ACBD6: variants seen among roughly 807,000 people sequenced by gnomAD.
ACBD6 encodes acyl-CoA-binding domain-containing protein 6.
ACBD6 carries 28 observed loss-of-function variants against 37.2 expected under a neutral mutation model. That is an observed-to-expected ratio of 0.75 (90% CI 0.56 to 1.03). ACBD6 has a LOEUF of 1.03. ACBD6 is among the 50% of genes least tolerant of loss of function. The probability of loss-of-function intolerance (pLI) is 0.00; values close to 1 mark genes in which losing one functional copy is unlikely to be tolerated. For synonymous variants in ACBD6, 113 were observed against 126.8 expected (o/e 0.89, Z 0.73); for missense variants, 340 against 337.4 (o/e 1.01, Z -0.06).
At chr1:180,299,919 T>C (rs2149283043) in intron 7 of ACBD6, among the ~76,000 whole-genome samples, 1 of 152,098 alleles carries the variant, frequency 6.6e-6, no homozygotes, top group African/African-American at 2.4e-5. Flanking sequence ...CCAGGTAAAA[T>C]ATAGGCACAT....
intron 6 of ACBD6, among the ~76,000 whole-genome samples, chr1:180,370,339 G>A (rs867194826): frequency 1.3e-5 from 2 of 152,168 alleles, no homozygotes; most frequent in Admixed American, 1.3e-4. Context: ...GTTTGTGTGT[G>A]TGCATATGCA....
chr1:180,347,110 G>A (rs1350804084), intron 6 of ACBD6, among the ~76,000 whole-genome samples: 2 of 152,040 alleles, frequency 1.3e-5, no homozygotes, highest in Non-Finnish European at 2.9e-5. Context: ...TCTTTTCTAG[G>A]GTCAGATAAT....
chr1:180,436,130 A>G (rs961373039), intron 3 of ACBD6, among the ~76,000 whole-genome samples: 2 of 152,160 alleles, frequency 1.3e-5, no homozygotes, highest in African/African-American at 4.8e-5. Context: ...CCATTTCCAA[A>G]AAAGGTCCTT....
intron 2 of ACBD6, among the ~76,000 whole-genome samples, chr1:180,493,866 A>C (rs1651624489): frequency 6.6e-6 from 1 of 152,148 alleles, no homozygotes; most frequent in Non-Finnish European, 1.5e-5. Context: ...ATATCCCTCA[A>C]TTTGAATTTG....
At chr1:180,318,182 A>AAAAG (rs1304539502) in intron 6 of ACBD6, among the ~76,000 whole-genome samples, 1 of 143,702 alleles carries the variant, frequency 7.0e-6, no homozygotes, top group Admixed American at 6.9e-5. Flanking sequence ...CCCCAAAAAA[A>AAAAG]AAAGAAAGAA....
At chr1:180,273,530 C>A (rs1329044081) in intron 11 of ACBD6, 1 of 152,570 alleles carries the variant, frequency 6.6e-6, no homozygotes, top group Non-Finnish European at 1.5e-5. Flanking sequence ...GAGAGAAATT[C>A]TTTCAAGTGG....
chr1:180,348,168 A>G (rs1345995946), intron 6 of ACBD6, among the ~76,000 whole-genome samples: 1 of 152,246 alleles, frequency 6.6e-6, no homozygotes, highest in Non-Finnish European at 1.5e-5. Flanking sequence ...AGAAAAAATG[A>G]GAATATTAAT....
intron 3 of ACBD6, among the ~76,000 whole-genome samples, chr1:180,465,603 C>T (rs1650317662): frequency 6.6e-6 from 1 of 152,042 alleles, no homozygotes; most frequent in Non-Finnish European, 1.5e-5. Flanking sequence ...AGCAGGATGG[C>T]AATTCCTCAA....
chr1:180,483,949 T>A (rs1191321938), intron 3 of ACBD6, among the ~76,000 whole-genome samples: 6 of 152,160 alleles, frequency 3.9e-5, no homozygotes, highest in Non-Finnish European at 7.4e-5. Context: ...TATGAAAAAA[T>A]ACCTAATTCT....
At chr1:180,416,171 C>T (rs920958331) in intron 4 of ACBD6, among the ~76,000 whole-genome samples, 1 of 152,098 alleles carries the variant, frequency 6.6e-6, no homozygotes, top group Admixed American at 6.5e-5. Flanking sequence ...TTACCTTCTA[C>T]AACCAAGCTG....
Position 180,350,629 on chromosome 1 carries a change from TC to T in ACBD6, c.664-35908del, listed in dbSNP as rs1486855914. 2.0e-5 allele frequency among the ~76,000 whole-genome samples: 3 copies of T among 152,252 alleles called. No homozygotes were observed. In the East Asian group the frequency reaches 5.8e-4, roughly 29 times the overall value. On this transcript the variant is annotated intron_variant, in intron 6 of 7. Transcript: ENST00000367595. ...TTCCTTACTCTGAGTATTTATGGCT[TC>T]CATAGTCTGCCCGAGCTGTTTCTGC...
intron 3 of ACBD6, among the ~76,000 whole-genome samples, chr1:180,449,318 T>C (rs918847409): frequency 1.3e-5 from 2 of 152,290 alleles, no homozygotes; most frequent in African/African-American, 4.8e-5. Flanking sequence ...TTCTTGAAGC[T>C]ATGATTCATT....
At chr1:180,417,315 T>C (rs1648140497) in intron 4 of ACBD6, among the ~76,000 whole-genome samples, 1 of 152,202 alleles carries the variant, frequency 6.6e-6, no homozygotes, top group Non-Finnish European at 1.5e-5. Flanking sequence ...CTTCTCCTCG[T>C]TTGTAAAGGA....
chr1:180,304,515 A>G (rs1214861420), intron 7 of ACBD6, among the ~76,000 whole-genome samples: 3 of 150,824 alleles, frequency 2.0e-5, no homozygotes, highest in Non-Finnish European at 3.0e-5. Context: ...TGCTTCAAAG[A>G]GAATAAAATA....
intron 3 of ACBD6, among the ~76,000 whole-genome samples, chr1:180,474,219 T>C (rs1287594466): frequency 1.3e-5 from 2 of 152,126 alleles, no homozygotes; most frequent in Non-Finnish European, 2.9e-5. Flanking sequence ...CACTATGTTG[T>C]CAAGGTAGCA....
intron 6 of ACBD6, among the ~76,000 whole-genome samples, chr1:180,334,699 G>A (rs953490071): frequency 2.0e-5 from 3 of 152,080 alleles, no homozygotes; most frequent in Non-Finnish European, 2.9e-5. Context: ...GGCTTCAGAC[G>A]ATCAAACTAC....
At chr1:180,335,230 T>G (rs1651653862) in intron 6 of ACBD6, among the ~76,000 whole-genome samples, 2 of 151,780 alleles carry the variant, frequency 1.3e-5, no homozygotes, top group South Asian at 4.2e-4. Flanking sequence ...AAAGTTGAAA[T>G]GAAGGAAAAA....
At chr1:180,305,532 C>T (rs1432969360) in intron 7 of ACBD6, among the ~76,000 whole-genome samples, 1 of 152,112 alleles carries the variant, frequency 6.6e-6, no homozygotes, top group Non-Finnish European at 1.5e-5. Context: ...CAGAGAAATG[C>T]AAATCAAAAC....
intron 6 of ACBD6, among the ~76,000 whole-genome samples, chr1:180,373,208 C>T (rs939219123): frequency 7.9e-5 from 12 of 152,194 alleles, no homozygotes; most frequent in African/African-American, 2.7e-4. Context: ...TTGATTACCT[C>T]ATTTATTTTT....
Sources: allele counts gnomAD v4.1 joint callset (sites outside exome capture counted in the v4.1 genomes callset), GRCh38; gene constraint gnomAD v4.1.1; transcripts MANE v1.5; gene names NCBI Gene and HGNC (gene_info 2026-07-23, HGNC 2026-07-21).